The following TYW1 variants were observed in gnomAD, a reference collection of about 807,000 sequenced individuals.
TYW1 encodes the protein S-adenosyl-L-methionine-dependent tRNA 4-demethylwyosine synthase TYW1.
In TYW1, 46 loss-of-function variants were observed where a neutral mutation model predicts 96.2. The ratio of observed to expected loss-of-function variants is 0.48; its 90% CI spans 0.38 to 0.61. The LOEUF is 0.61. Ranked by LOEUF, TYW1 falls within the 20% of genes least tolerant of loss-of-function variation. The pLI is 0.00. For missense variants in TYW1, 684 were observed against 909.6 expected, an observed-to-expected ratio of 0.75 and a Z score of 3.19; for synonymous variants, 274 against 323.0, an observed-to-expected ratio of 0.85 and a Z score of 1.63.
intron 7 of TYW1, among the ~76,000 whole-genome samples, chr7:67,033,890 TCA>T (rs112672054): frequency 0.017 from 2,591 of 151,854 alleles, 74 homozygotes; most frequent in African/African-American, 0.059. Context: ...AGACGAGGTT[TCA>T]CCATCTTGGC....
intron 13 of TYW1, among the ~76,000 whole-genome samples, chr7:67,175,915 G>A (rs73142604): frequency 0.28 from 42,777 of 151,994 alleles, 6,530 homozygotes; most frequent in African/African-American, 0.4. Flanking sequence ...GTTCTGGCTA[G>A]TGCTAAAAGA....
chr7:67,046,750 G>A (rs1231787650), intron 7 of TYW1, among the ~76,000 whole-genome samples: 1 of 152,188 alleles, frequency 6.6e-6, no homozygotes, highest in African/African-American at 2.4e-5. Context: ...ATGGAGGATA[G>A]GACTGAGCTG....
intron 3 of TYW1, among the ~76,000 whole-genome samples, chr7:67,008,444 G>T (rs1054187319): frequency 2.0e-5 from 3 of 152,084 alleles, no homozygotes; most frequent in Admixed American, 6.6e-5. Context: ...CTCTGGCAAC[G>T]AGCCTCCATC....
chr7:67,077,176 T>C (rs930981825), intron 10 of TYW1, among the ~76,000 whole-genome samples: 4 of 152,232 alleles, frequency 2.6e-5, no homozygotes, highest in African/African-American at 9.6e-5. Context: ...TTCTGTATCT[T>C]GGTGATTGTG....
rs1795898057 is a variant in TYW1 at position 67,067,378 on chromosome 7, G to T, written c.1249G>T (p.Ala417Ser). 1 of 1,613,838 alleles carries T rather than the reference G, an allele frequency of 6.2e-7. No individual in the cohort carries two copies. Among genetic ancestry groups the T allele is most frequent in the South Asian group, 1.1e-5 (1 of 91,080 alleles). ...GGAAACCACCCCGAGCTTGGCGTGT[G>T]CTAATAAATGTGTCTTCTGTTGGCG... ...CMETTPSLAC[A>S]NKCVFCWRHH... Residue 417 changes from alanine to serine, a missense_variant, in exon 10 of 16, where the codon GCT (alanine) becomes TCT (serine). Transcript: ENST00000359626.
chr7:67,194,782 T>A (rs537966274), intron 14 of TYW1, among the ~76,000 whole-genome samples: 1 of 149,256 alleles, frequency 6.7e-6, no homozygotes. Context: ...GTGTCCACTA[T>A]GCCCCCATTA....
At chr7:67,217,315 C>T (rs980270801) in intron 15 of TYW1, among the ~76,000 whole-genome samples, 1 of 152,108 alleles carries the variant, frequency 6.6e-6, no homozygotes, top group African/African-American at 2.4e-5. Flanking sequence ...ATTCTCTATA[C>T]CCACGAAATC....
chr7:67,089,782 C>T (rs991983597), intron 11 of TYW1, among the ~76,000 whole-genome samples: 1 of 152,112 alleles, frequency 6.6e-6, no homozygotes, highest in Non-Finnish European at 1.5e-5. Flanking sequence ...CTTTTCCTGA[C>T]CTTTATTAGC....
intron 15 of TYW1, among the ~76,000 whole-genome samples, chr7:67,200,333 G>A (rs1046743093): frequency 1.3e-5 from 2 of 152,164 alleles, no homozygotes; most frequent in Admixed American, 6.5e-5. Flanking sequence ...AGACATACCC[G>A]AGACTGGGTA....
chr7:67,038,117 A>C (rs940852294), intron 7 of TYW1, among the ~76,000 whole-genome samples: 2 of 151,234 alleles, frequency 1.3e-5, no homozygotes, highest in African/African-American at 4.8e-5. Context: ...CCTGGCTAAC[A>C]TGGTGAAACC....
chr7:67,030,877 C>T (rs1317223678), intron 7 of TYW1, among the ~76,000 whole-genome samples: 1 of 151,652 alleles, frequency 6.6e-6, no homozygotes, highest in Non-Finnish European at 1.5e-5. Context: ...GATGAATGAA[C>T]GTAATAGATT....
chr7:67,058,108 G>C (rs557252676), intron 9 of TYW1, among the ~76,000 whole-genome samples: 10 of 152,076 alleles, frequency 6.6e-5, no homozygotes, highest in Non-Finnish European at 1.5e-4. Flanking sequence ...CTAATTTTTT[G>C]TATTTTTAGT....
At chr7:67,171,188 G>T (rs1284431186) in intron 13 of TYW1, among the ~76,000 whole-genome samples, 1 of 151,928 alleles carries the variant, frequency 6.6e-6, no homozygotes, top group Non-Finnish European at 1.5e-5. Flanking sequence ...GTATATAGTT[G>T]TTCATAGTAT....
chr7:67,102,750 C>T (rs1324075131), intron 12 of TYW1, among the ~76,000 whole-genome samples: 1 of 152,006 alleles, frequency 6.6e-6, no homozygotes. Context: ...CTCCAGGGTT[C>T]AAGTGATTCT....
intron 15 of TYW1, among the ~76,000 whole-genome samples, chr7:67,210,211 G>A (rs4496851): frequency 0.27 from 40,753 of 152,014 alleles, 5,830 homozygotes; most frequent in African/African-American, 0.36. Context: ...AGGGGTACTC[G>A]AGGGATTTTG....
rs148898519 is a variant in TYW1, at chr7:67,183,236, G to A, written c.1809G>A (p.Lys603=). The A allele has an allele frequency of 3.7e-5, 59 of 1,599,312 alleles. No homozygotes were observed. Among genetic ancestry groups the A allele is most frequent in the Non-Finnish European group, 4.5e-5 (53 of 1,172,732 alleles). ...GGAATCCTGACTTCATCGAAGTGAA[G>A]GTAAGCCCCTGCTGACTCTGGTGGC... ...SLGNPDFIEV[K]GVTYCGESSA... The change falls in exon 14 of 16, where the codon AAG becomes AAA. Residue 603 remains lysine (K), a splice_region_variant and synonymous_variant. Coordinates refer to ENST00000359626, the MANE Select transcript of TYW1 (RefSeq NM_018264.4).
intron 5 of TYW1, among the ~76,000 whole-genome samples, chr7:67,014,837 C>A (rs1467148793): frequency 2.0e-5 from 3 of 151,614 alleles, no homozygotes; most frequent in Non-Finnish European, 4.4e-5. Context: ...CAAGTGATTT[C>A]TCCTGCCTCA....
At chr7:67,099,295 G>A (rs12539202) in intron 12 of TYW1, among the ~76,000 whole-genome samples, 1 of 152,156 alleles carries the variant, frequency 6.6e-6, no homozygotes, top group East Asian at 1.9e-4. Flanking sequence ...GCTTCTGAAA[G>A]TGCTGGCATT....
chr7:67,029,432 T>TATAA (rs1380875291), intron 7 of TYW1, among the ~76,000 whole-genome samples: 1,712 of 138,938 alleles, frequency 0.012, 57 homozygotes, highest in Middle Eastern at 0.062. Flanking sequence ...TATATATATA[T>TATAA]AAATAGTATT....
Sources: gnomAD v4.1 joint callset for allele counts (sites outside exome capture counted in the v4.1 genomes callset) on GRCh38, gnomAD v4.1.1 for gene constraint, MANE v1.5 for transcripts, NCBI Gene and HGNC (gene_info 2026-07-23, HGNC 2026-07-21) for gene names.